Variants in GLTP observed in about 807,000 individuals in gnomAD.
GLTP encodes glycolipid transfer protein.
Under a neutral mutation model 24.0 loss-of-function variants are expected in GLTP, and 22 were observed. The observed-to-expected ratio is 0.92, with a 90% CI of 0.65 to 1.31. The LOEUF is 1.31. Among genes scored for constraint, GLTP ranks in the 50% most tolerant of loss-of-function variants. The pLI is 0.00. For missense variants in GLTP, 224 were observed against 276.6 expected, an observed-to-expected ratio of 0.81 and a Z score of 1.35; for synonymous variants, 92 against 115.9, an observed-to-expected ratio of 0.79 and a Z score of 1.33.
In GLTP at chr12:109,872,951, C is replaced by T. The variant is rs142823165; in HGVS notation, c.103+7321G>A. 1.9e-3 allele frequency among the ~76,000 whole-genome samples: 292 copies of T among 152,324 alleles called. 1 individual carries two copies. The highest frequency in any genetic ancestry group is 6.3e-3 in the African/African-American group (260 of 41,570). On this transcript the variant is annotated intron_variant, in intron 1 of 4. Transcript: ENST00000318348. The stretch of plus-strand genomic sequence containing the variant: ...CGCAGACCGCAGGCTGCATGTGGCC[C>T]AGGACCGCTTTGAATGTGGCCCAAT...
At chr12:109,868,314 T>C (rs1868609719) in intron 1 of GLTP, among the ~76,000 whole-genome samples, 1 of 149,610 alleles carries the variant, frequency 6.7e-6, no homozygotes, top group South Asian at 2.2e-4. Context: ...CCCGACCTCA[T>C]TTCCTCTTTT....
At chr12:109,869,804 C>G (rs899121549) in intron 1 of GLTP, among the ~76,000 whole-genome samples, 3 of 149,638 alleles carry the variant, frequency 2.0e-5, no homozygotes, top group African/African-American at 7.4e-5. Context: ...GACTCTCACT[C>G]TGTTGCCCAG....
intron 1 of GLTP, among the ~76,000 whole-genome samples, chr12:109,867,095 T>A (rs1436860604): frequency 1.3e-5 from 2 of 152,066 alleles, no homozygotes; most frequent in South Asian, 2.1e-4. Flanking sequence ...TGTATTTTTT[T>A]AAAACTCCTG....
At chr12:109,876,376 A>T (rs1868878248) in intron 1 of GLTP, among the ~76,000 whole-genome samples, 1 of 152,126 alleles carries the variant, frequency 6.6e-6, no homozygotes, top group Non-Finnish European at 1.5e-5. Flanking sequence ...TTAGCTAAGC[A>T]TGGTGGCACA....
intron 1 of GLTP, among the ~76,000 whole-genome samples, chr12:109,864,406 A>G (rs1030735411): frequency 6.6e-6 from 1 of 152,164 alleles, no homozygotes; most frequent in Admixed American, 6.6e-5. Context: ...CCTGGGTTTG[A>G]ATCTCAGCTC....
At chr12:109,879,687 C>T (rs1315914143) in intron 1 of GLTP, among the ~76,000 whole-genome samples, 2 of 152,196 alleles carry the variant, frequency 1.3e-5, no homozygotes, top group Admixed American at 6.5e-5. Flanking sequence ...AAACCCTCTC[C>T]TTGTCCCCGC....
chr12:109,874,384 C>T (rs1350149287), intron 1 of GLTP, among the ~76,000 whole-genome samples: 1 of 152,204 alleles, frequency 6.6e-6, no homozygotes, highest in Admixed American at 6.5e-5. Context: ...ACCACTCTTT[C>T]TGGGTTCACT....
Position 109,851,591 on chromosome 12 carries a change from G to A in GLTP, c.*964C>T, listed in dbSNP as rs73417534. The stretch of plus-strand genomic sequence containing the variant: ...TACAGCGAGAGCCTCATAAGGTCAC[G>A]TGCTTTTTTTTCTTTTTTTTCTTTT... On this transcript the variant is annotated 3_prime_UTR_variant, in exon 5 of 5. Transcript: ENST00000318348. The A allele has an allele frequency of 5.6e-3, 855 of 152,044 alleles. 6 individuals carry two copies. The highest frequency in any genetic ancestry group is 0.019 in the African/African-American group (803 of 41,478). 9.4% of individuals were successfully genotyped at this position (152,044 alleles called of 1,614,324 possible).
In GLTP at chr12:109,865,062, T is replaced by C. The variant is rs1173960143; in HGVS notation, c.104-6321A>G. On this transcript the variant is annotated intron_variant, in intron 1 of 4. Transcript: ENST00000318348. ...TGCCTGCTCTGAATACAGCATGACA[T>C]GTTTCTACCAGGCTCTCAAGCCTTC... Among the ~76,000 whole-genome samples, 5 of 152,294 alleles carry C rather than the reference T, an allele frequency of 3.3e-5. No individual in the cohort carries two copies. In the East Asian group the frequency reaches 9.7e-4, roughly 29 times the overall value.
chr12:109,852,681 C>T lies in GLTP; in HGVS notation c.504G>A (p.Gly168=), dbSNP rs1311589962. ...KSDFLKALSK[G]QNVTEEECLE... ...GGCACTCCTCCTCCGTAACATTCTG[C>T]CCCTTGGAGAGCGCTTTCAGGAAGT... The change falls in exon 5 of 5, where the codon GGG becomes GGA. Residue 168 remains glycine (G), a synonymous_variant. Transcript: ENST00000318348. 1.9e-6 allele frequency: 3 copies of T among 1,611,676 alleles called. No homozygotes were observed. The highest frequency in any genetic ancestry group is 2.5e-6 in the Non-Finnish European group (3 of 1,177,750).
chr12:109,853,299 T>G (rs771448172), intron 4 of GLTP, among the ~76,000 whole-genome samples: 2 of 152,132 alleles, frequency 1.3e-5, no homozygotes, highest in Non-Finnish European at 2.9e-5. Flanking sequence ...GGGGCGATAC[T>G]TCCCTAAATT....
intron 2 of GLTP, chr12:109,858,325 C>A: frequency 4.7e-6 from 2 of 425,944 alleles, no homozygotes; most frequent in Non-Finnish European, 9.3e-6. Flanking sequence ...GCTGGGGAGG[C>A]GGCATCAGGA....
At chr12:109,856,489 A>G (rs1253846049) in intron 3 of GLTP, among the ~76,000 whole-genome samples, 1 of 152,158 alleles carries the variant, frequency 6.6e-6, no homozygotes, top group Non-Finnish European at 1.5e-5. Context: ...AGAGGAAAGC[A>G]CTGAGGCTCC....
chr12:109,857,166 C>T lies in GLTP; in HGVS notation c.296+360G>A, dbSNP rs1458240715. Among the ~76,000 whole-genome samples, 1 of 152,254 alleles carries T rather than the reference C, an allele frequency of 6.6e-6. No individual in the cohort carries two copies. The highest frequency in any genetic ancestry group is 1.5e-5 in the Non-Finnish European group (1 of 68,044). ...TTTGTGCAGTACGCAACCTGCATAA[C>T]TGTGCTGGATGACATGGGCACGTGA... On this transcript the variant is annotated intron_variant, in intron 3 of 4. Transcript: ENST00000318348. This position sits in a 1 kb window ranked among gnomAD's most constrained non-coding sequence, Gnocchi z 4.3.
At chr12:109,877,055 T>C (rs1196541818) in intron 1 of GLTP, among the ~76,000 whole-genome samples, 1 of 152,204 alleles carries the variant, frequency 6.6e-6, no homozygotes, top group Non-Finnish European at 1.5e-5. Context: ...GGTTTCGCCA[T>C]GTTGCCCAGG....
chr12:109,869,991 G>T (rs1773966594), intron 1 of GLTP, among the ~76,000 whole-genome samples: 1 of 152,048 alleles, frequency 6.6e-6, no homozygotes, highest in Admixed American at 6.6e-5. Flanking sequence ...AGATCTGCCT[G>T]CCTGGGCCTC....
chr12:109,869,580 C>A (rs1010640338), intron 1 of GLTP, among the ~76,000 whole-genome samples: 18 of 146,922 alleles, frequency 1.2e-4, no homozygotes, highest in South Asian at 2.2e-4. Context: ...CTCAGCCTCC[C>A]GAGTATCTGA....
In GLTP at chr12:109,856,781, C is replaced by T. The variant is rs184999499; in HGVS notation, c.296+745G>A. On this transcript the variant is annotated intron_variant, in intron 3 of 4. Coordinates refer to ENST00000318348, the MANE Select transcript of GLTP (RefSeq NM_016433.4). Reference sequence around the variant, plus strand: ...GCAAATTAGAACTCCTCCTCACGGCCGGGCACGGTGCCTCACACCTGCCTC... The same window carrying T: ...GCAAATTAGAACTCCTCCTCACGGCTGGGCACGGTGCCTCACACCTGCCTC... Among the ~76,000 whole-genome samples, 138 of 152,286 alleles carry T rather than the reference C, an allele frequency of 9.1e-4. 1 individual carries two copies. Among genetic ancestry groups the T allele is most frequent in the African/African-American group, 2.8e-3 (118 of 41,554 alleles).
In GLTP at chr12:109,857,563, T is replaced by C; in HGVS notation, c.259A>G (p.Lys87Glu). ...ATCAGCGCCAGTGTGGCCCCTACTT[T>C]GGGCCACTCTGCTCCATACATTTCT... ...EKEMYGAEWP[K>E]VGATLALMWL... Residue 87 changes from lysine to glutamate, a missense_variant, in exon 3 of 5, where the codon AAA becomes GAA. Transcript: ENST00000318348. This position sits in a 1 kb window ranked among gnomAD's most constrained non-coding sequence, Gnocchi z 4.3. 1 of 1,613,832 alleles carries C rather than the reference T, an allele frequency of 6.2e-7. No individual in the cohort carries two copies. The highest frequency in any genetic ancestry group is 1.1e-5 in the South Asian group (1 of 91,064).
Sources: gnomAD v4.1 joint callset for allele counts (sites outside exome capture counted in the v4.1 genomes callset) on GRCh38, gnomAD v4.1.1 for gene constraint, Gnocchi (gnomAD v3.1) non-coding constraint, MANE v1.5 for transcripts, NCBI Gene and HGNC (gene_info 2026-07-23, HGNC 2026-07-21) for gene names.